TTLL5: variants seen among roughly 807,000 people sequenced by gnomAD.
TTLL5 encodes the protein tubulin tyrosine ligase like 5.
In TTLL5, 132 loss-of-function variants were observed where a neutral mutation model predicts 168.4. The observed-to-expected ratio is 0.78, with a 90% CI of 0.68 to 0.91. The LOEUF is 0.91. Ranked by LOEUF, TTLL5 falls within the 40% of genes least tolerant of loss-of-function variation. The pLI is 0.00. For missense variants in TTLL5, 1,545 were observed against 1,581.5 expected, an observed-to-expected ratio of 0.98 and a Z score of 0.39; for synonymous variants, 546 against 558.6, an observed-to-expected ratio of 0.98 and a Z score of 0.32.
At chr14:75,796,913 T>C (rs976901700) in intron 27 of TTLL5, among the ~76,000 whole-genome samples, 1 of 152,174 alleles carries the variant, frequency 6.6e-6, no homozygotes, top group Non-Finnish European at 1.5e-5. Context: ...ATGCAGGCTC[T>C]TTTTTGGTTC....
chr14:75,738,520 T>A (rs1023488215), intron 15 of TTLL5, among the ~76,000 whole-genome samples: 2 of 152,194 alleles, frequency 1.3e-5, no homozygotes, highest in African/African-American at 4.8e-5. Context: ...TTGTCTAATA[T>A]TTAGTAACTG....
intron 28 of TTLL5, among the ~76,000 whole-genome samples, chr14:75,861,112 A>G (rs1180351008): frequency 6.6e-6 from 1 of 152,178 alleles, no homozygotes; most frequent in Middle Eastern, 3.2e-3. Flanking sequence ...CAGAAAACTT[A>G]ATAGATAAGC....
chr14:75,936,769 G>A (rs115353946), intron 31 of TTLL5, among the ~76,000 whole-genome samples: 26 of 152,286 alleles, frequency 1.7e-4, no homozygotes, highest in African/African-American at 5.5e-4. Flanking sequence ...TGATCAAGAG[G>A]ATGTGGAATT....
At chr14:75,787,621 G>C (rs1892447739) in intron 26 of TTLL5, among the ~76,000 whole-genome samples, 1 of 152,124 alleles carries the variant, frequency 6.6e-6, no homozygotes, top group Admixed American at 6.5e-5. Flanking sequence ...ATGCAGAAAG[G>C]ATAAAGAGGA....
intron 29 of TTLL5, among the ~76,000 whole-genome samples, chr14:75,871,300 T>G (rs2031012658): frequency 6.6e-6 from 1 of 152,152 alleles, no homozygotes; most frequent in African/African-American, 2.4e-5. Context: ...GTGCACCAGA[T>G]GTAGTCTTAT....
chr14:75,726,863 A>G (rs1359609145), intron 12 of TTLL5, among the ~76,000 whole-genome samples: 1 of 152,118 alleles, frequency 6.6e-6, no homozygotes, highest in Non-Finnish European at 1.5e-5. Flanking sequence ...GATTATTATT[A>G]TTTTTCTTTA....
chr14:75,908,261 C>T (rs1176928576), intron 31 of TTLL5, among the ~76,000 whole-genome samples: 2 of 152,250 alleles, frequency 1.3e-5, no homozygotes. Flanking sequence ...ACGACTGTCA[C>T]TGCTGGGAAG....
chr14:75,771,806 C>T lies in TTLL5; in HGVS notation c.2088C>T (p.Gly696=), dbSNP rs149255191. 57 of 1,613,892 alleles carry T rather than the reference C, an allele frequency of 3.5e-5. No individual in the cohort carries two copies. In the East Asian group the frequency reaches 3.6e-4, roughly 10 times the overall value. The change falls in exon 21 of 32, where the codon GGC becomes GGT. Residue 696 remains glycine, a synonymous_variant. Transcript: ENST00000298832. ...AAATTCGCCTGATGAAAGACAGTGGCGGTCAGACGTTCAGTGCCAGTTGGG... is the reference window on the plus strand; with the variant it reads ...AAATTCGCCTGATGAAAGACAGTGGTGGTCAGACGTTCAGTGCCAGTTGGG... The part of the protein sequence containing the change: ...HVQIRLMKDS[G]GQTFSASWAA...
chr14:75,700,757 C>G (rs557323693), intron 7 of TTLL5, among the ~76,000 whole-genome samples: 11 of 152,298 alleles, frequency 7.2e-5, no homozygotes, highest in African/African-American at 2.6e-4. Context: ...GTCTCTCACT[C>G]TGCCTTATGC....
chr14:75,709,454 G>T (rs1355711617), intron 9 of TTLL5: 1 of 429,398 alleles, frequency 2.3e-6, no homozygotes, highest in Non-Finnish European at 4.3e-6. Context: ...CTGAGATTTT[G>T]AGTTTGAGCC....
rs774092064 is a variant in TTLL5 at position 75,663,072 on chromosome 14, A to G, written c.-78A>G. 5 of 1,280,782 alleles carry G rather than the reference A, an allele frequency of 3.9e-6. No individual in the cohort carries two copies. The highest frequency in any genetic ancestry group is 5.6e-6 in the Non-Finnish European group (5 of 889,698). The allele number at this position is 1,280,782 out of a possible 1,614,324, so 79.3% of individuals were successfully genotyped here. On this transcript the variant is annotated 5_prime_UTR_variant, in exon 2 of 32. Transcript: ENST00000298832. ...TCTTGCAGGAATCTGTGCCATCCAA[A>G]TTGCTTGATCCAGTGAATCTGCTAG...
At chr14:75,820,420 A>C (rs1894758174) in intron 28 of TTLL5, among the ~76,000 whole-genome samples, 1 of 152,164 alleles carries the variant, frequency 6.6e-6, no homozygotes, top group Non-Finnish European at 1.5e-5. Context: ...AATTTACACT[A>C]TGTTTAAACC....
intron 28 of TTLL5, among the ~76,000 whole-genome samples, chr14:75,859,574 G>A (rs755115741): frequency 2.6e-5 from 4 of 152,150 alleles, no homozygotes; most frequent in Non-Finnish European, 5.9e-5. Context: ...TATTTACGGG[G>A]CCTGTGTACA....
intron 29 of TTLL5, among the ~76,000 whole-genome samples, chr14:75,874,948 T>TTTTTTTTTTTTTTTG (rs1566640966): frequency 7.0e-6 from 1 of 142,886 alleles, no homozygotes; most frequent in African/African-American, 2.7e-5. Context: ...TTTTTTTTTT[T>TTTTTTTTTTTTTTTG]TTTGAGACGG....
At position 75,902,318 on chromosome 14, in the gene TTLL5, G is replaced by A. The variant is rs150594372; in HGVS notation, c.3823+94G>A. On this transcript the variant is annotated intron_variant, in intron 31 of 31. Transcript: ENST00000298832. ...TCTTCTGCCTCCAAAGAGAGCCCCA[G>A]TTCAAAGAATGAAACATCTAGCCTC... 7.3e-4 allele frequency: 941 copies of A among 1,292,460 alleles called. 4 individuals are homozygous for A. In the East Asian group the frequency reaches 9.4e-3, roughly 13 times the overall value. The allele number at this position is 1,292,460 out of a possible 1,614,324, so 80.1% of individuals were successfully genotyped here. A position where few individuals can be genotyped will look rare whatever the true frequency, so the allele number is the denominator to read the frequency against.
intron 29 of TTLL5, 47 bp from the exon 30 acceptor site, chr14:75,882,638 T>G: frequency 6.5e-7 from 1 of 1,527,830 alleles, no homozygotes; most frequent in South Asian, 1.2e-5. Context: ...GTAAATGGGT[T>G]GTGAAGGTGA....
chr14:75,680,798 G>A (rs1480874182), intron 3 of TTLL5, among the ~76,000 whole-genome samples: 1 of 151,806 alleles, frequency 6.6e-6, no homozygotes, highest in East Asian at 1.9e-4. Flanking sequence ...CTAATTTTTT[G>A]TATTTTTAAG....
chr14:75,906,739 A>G (rs529163482), intron 31 of TTLL5: 1 of 983,894 alleles, frequency 1.0e-6, no homozygotes, highest in South Asian at 4.7e-5. Context: ...TACTACAGCA[A>G]GAGACTTAGT....
At chr14:75,852,936 A>G (rs1896941488) in intron 28 of TTLL5, among the ~76,000 whole-genome samples, 1 of 152,244 alleles carries the variant, frequency 6.6e-6, no homozygotes, top group Admixed American at 6.5e-5. Context: ...TTCAGTATGT[A>G]TTAAGTTTAT....
Sources: allele counts gnomAD v4.1 joint callset (sites outside exome capture counted in the v4.1 genomes callset), GRCh38; gene constraint gnomAD v4.1.1; transcripts MANE v1.5; gene names NCBI Gene and HGNC (gene_info 2026-07-23, HGNC 2026-07-21).